Variants in LGR6 observed in about 807,000 individuals in gnomAD.
LGR6 encodes leucine rich repeat containing G protein-coupled receptor 6.
In LGR6, 45 loss-of-function variants were observed where a neutral mutation model predicts 69.4. That is an observed-to-expected ratio of 0.65 (90% CI 0.51 to 0.83). The LOEUF is 0.83. LGR6 is among the 40% of genes least tolerant of loss of function. LGR6 has a pLI of 0.00. For synonymous variants in LGR6, 538 were observed against 555.0 expected (o/e 0.97, Z 0.43); for missense variants, 1,108 against 1,246.7 (o/e 0.89, Z 1.68).
intron 4 of LGR6, among the ~76,000 whole-genome samples, chr1:202,272,164 G>T (rs1665157375): frequency 6.6e-6 from 1 of 152,128 alleles, no homozygotes; most frequent in African/African-American, 2.4e-5. Flanking sequence ...ATTTAACTGG[G>T]CATTGTCCCA....
At chr1:202,303,974 A>G (rs558313999) in intron 10 of LGR6, among the ~76,000 whole-genome samples, 1 of 152,274 alleles carries the variant, frequency 6.6e-6, no homozygotes, top group East Asian at 1.9e-4. Context: ...TTATTCCCCA[A>G]AGATGACCTT....
At chr1:202,303,671 G>A (rs922621782) in intron 10 of LGR6, among the ~76,000 whole-genome samples, 3 of 152,234 alleles carry the variant, frequency 2.0e-5, no homozygotes, top group Admixed American at 6.5e-5. Flanking sequence ...GTGAAAACCC[G>A]TCTTTGCCTT....
At chr1:202,262,695 G>A (rs148461558) in intron 4 of LGR6, among the ~76,000 whole-genome samples, 104 of 152,114 alleles carry the variant, frequency 6.8e-4, no homozygotes, top group African/African-American at 2.2e-3. Context: ...TTCAGTTCTC[G>A]TTTCTATCTA....
chr1:202,205,378 ACCT>A (rs1659141178), intron 1 of LGR6, among the ~76,000 whole-genome samples: 3 of 1,064 alleles, frequency 2.8e-3, no homozygotes, highest in African/African-American at 5.5e-3. Flanking sequence ...AAACACACAC[ACCT>A]CACACACCTC....
In LGR6 at chr1:202,193,867, T is replaced by G. The variant is rs1658527311; in HGVS notation, c.-123T>G. The G allele has an allele frequency of 2.2e-5, 10 of 451,708 alleles. No individual in the cohort carries two copies. The highest frequency in any genetic ancestry group is 3.3e-5 in the Non-Finnish European group (10 of 298,700). 28.0% of individuals were successfully genotyped at this position (451,708 alleles called of 1,614,324 possible). A position where few individuals can be genotyped will look rare whatever the true frequency, so the allele number is the denominator to read the frequency against. ...TCCCACCGCCGCCGCCGCCGCCCAA[T>G]AGAGCCCCTGGGGCGGTCCCCACCG... On this transcript the variant is annotated 5_prime_UTR_variant, in exon 1 of 18. Transcript: ENST00000367278.
At chr1:202,216,161 T>C (rs2147926580) in intron 1 of LGR6, among the ~76,000 whole-genome samples, 1 of 152,312 alleles carries the variant, frequency 6.6e-6, no homozygotes, top group Admixed American at 6.5e-5. Context: ...AAATGAATGG[T>C]TGAAAGTTGG....
At chr1:202,225,313 G>T (rs3010067) in intron 1 of LGR6, 110 bp from the exon 2 acceptor site, 28 of 891,438 alleles carry the variant, frequency 3.1e-5, no homozygotes, top group South Asian at 1.3e-5. Context: ...GGCCTGGTGG[G>T]GGGTACTGTG....
rs985477475 is a variant in LGR6 at position 202,205,783 on chromosome 1, G to A, written c.212+11582G>A. On this transcript the variant is annotated intron_variant, in intron 1 of 17. Transcript: ENST00000367278. ...CACACACACACCTCCAAACACATACGCACACCTCCTTCAAACATACACACC... is the reference window on the plus strand; with the variant it reads ...CACACACACACCTCCAAACACATACACACACCTCCTTCAAACATACACACC... Among the ~76,000 whole-genome samples the A allele has an allele frequency of 1.1e-4, 13 of 117,916 alleles. No individual in the cohort carries two copies. In the East Asian group the frequency reaches 1.9e-3, roughly 18 times the overall value. 77.4% of individuals were successfully genotyped at this position (117,916 alleles called of 152,430 possible).
At chr1:202,251,702 C>T (rs974416163) in intron 4 of LGR6, among the ~76,000 whole-genome samples, 1 of 152,232 alleles carries the variant, frequency 6.6e-6, no homozygotes, top group Non-Finnish European at 1.5e-5. Flanking sequence ...TGCCCCCAGC[C>T]CCAGGCCAGC....
In LGR6 at chr1:202,312,145, T is replaced by C. The variant is rs182425978; in HGVS notation, c.1567+1788T>C. Among the ~76,000 whole-genome samples the C allele has an allele frequency of 8.3e-4, 127 of 152,302 alleles. 1 individual carries two copies. The East Asian group carries it at 0.021, about 25-fold the overall frequency. On this transcript the variant is annotated intron_variant, in intron 16 of 17. Transcript: ENST00000367278. Reference sequence around the variant, plus strand: ...GCTGCCTGCCGCCTGTAACGGGAGCTAGGGCAGGGCCCCCCACTTCCTGTG... The same window carrying C: ...GCTGCCTGCCGCCTGTAACGGGAGCCAGGGCAGGGCCCCCCACTTCCTGTG...
intron 4 of LGR6, among the ~76,000 whole-genome samples, chr1:202,249,381 A>G (rs966747920): frequency 6.6e-6 from 1 of 152,084 alleles, no homozygotes; most frequent in African/African-American, 2.4e-5. Flanking sequence ...TGCCCATCCT[A>G]TAAATGGCAG....
chr1:202,224,297 T>G (rs1199379684), intron 1 of LGR6, among the ~76,000 whole-genome samples: 1 of 152,138 alleles, frequency 6.6e-6, no homozygotes, highest in African/African-American at 2.4e-5. Flanking sequence ...TTGTGATTAT[T>G]TTGTGTGCGG....
Position 202,304,700 on chromosome 1 carries a change from C to G in LGR6, c.1070+70C>G. 7.3e-6 allele frequency: 9 copies of G among 1,236,970 alleles called. No homozygotes were observed. The Middle Eastern group carries it at 1.7e-3, about 236-fold the overall frequency. 76.6% of individuals were successfully genotyped at this position (1,236,970 alleles called of 1,614,324 possible). A position where few individuals can be genotyped will look rare whatever the true frequency, so the allele number is the denominator to read the frequency against. On this transcript the variant is annotated intron_variant, in intron 11 of 17. Transcript: ENST00000367278. ...CCCCCATGTCCCACAAAAGGCCTCT[C>G]CTGCTTCTGTCCCACTTGGTCATTT...
intron 4 of LGR6, among the ~76,000 whole-genome samples, chr1:202,241,247 T>C (rs894356296): frequency 6.6e-6 from 1 of 152,212 alleles, no homozygotes; most frequent in Non-Finnish European, 1.5e-5. Context: ...GGGTGATGTG[T>C]TCCCAGAGCA....
Position 202,280,764 on chromosome 1 carries a change from C to G in LGR6, c.645-17C>G, listed in dbSNP as rs1173347505. The G allele has an allele frequency of 6.2e-7, 1 of 1,613,980 alleles. No individual in the cohort carries two copies. Among genetic ancestry groups the G allele is most frequent in the Non-Finnish European group, 8.5e-7 (1 of 1,179,944 alleles). ...GCCGTGGGCACCCATTCTGATGCGT[C>G]TTTCCTTCCCGTGCAGGCATTTGCA... On this transcript the variant is annotated splice_polypyrimidine_tract_variant and intron_variant, in intron 5 of 17. Transcript: ENST00000367278.
chr1:202,280,741 C>G (rs745697626), intron 5 of LGR6, 40 bp from the exon 6 acceptor site: 1 of 1,597,994 alleles, frequency 6.3e-7, no homozygotes, highest in South Asian at 1.1e-5. Context: ...GCCCCAGTGC[C>G]GTGGGCACCC....
chr1:202,289,648 T>C (rs1571973461), intron 6 of LGR6, among the ~76,000 whole-genome samples: 1 of 152,214 alleles, frequency 6.6e-6, no homozygotes, highest in East Asian at 1.9e-4. Context: ...GTAGATTGTT[T>C]AGAAGGTAAA....
In LGR6 at chr1:202,318,226, C is replaced by T. The variant is rs923704007; in HGVS notation, c.1923C>T (p.Gly641=). The T allele has an allele frequency of 4.3e-6, 7 of 1,612,018 alleles. No individual in the cohort carries two copies. Among genetic ancestry groups the T allele is most frequent in the Non-Finnish European group, 5.9e-6 (7 of 1,179,558 alleles). Reference sequence around the variant, plus strand: ...GAGCCCGCTGGGAGACGGGGCTAGGCTGCCGGGCCACTGGCTTCCTGGCAG... The same window carrying T: ...GAGCCCGCTGGGAGACGGGGCTAGGTTGCCGGGCCACTGGCTTCCTGGCAG... ...EYGARWETGL[G]CRATGFLAVL... The change falls in exon 18 of 18, where the codon GGC becomes GGT. Residue 641 remains glycine (G), a synonymous_variant. Coordinates refer to ENST00000367278, the MANE Select transcript of LGR6 (RefSeq NM_001017403.2).
chr1:202,223,206 G>A (rs1660288651), intron 1 of LGR6, among the ~76,000 whole-genome samples: 1 of 152,208 alleles, frequency 6.6e-6, no homozygotes, highest in African/African-American at 2.4e-5. Flanking sequence ...TTCTAGACCG[G>A]CAAGCCCAGA....
Sources: gnomAD v4.1 joint callset for allele counts (sites outside exome capture counted in the v4.1 genomes callset) on GRCh38, gnomAD v4.1.1 for gene constraint, MANE v1.5 for transcripts, NCBI Gene and HGNC (gene_info 2026-07-23, HGNC 2026-07-21) for gene names.